Variants in SLC36A4 observed in about 807,000 individuals in gnomAD.
The protein encoded by SLC36A4 is solute carrier family 36 member 4, also known as neutral amino acid uniporter 4.
A neutral mutation model predicts 50.5 loss-of-function variants in SLC36A4; 49 were observed. That is an observed-to-expected ratio of 0.97 (90% CI 0.77 to 1.23). The LOEUF is 1.23. Among genes scored for constraint, SLC36A4 ranks in the 50% most tolerant of loss-of-function variants. The probability of loss-of-function intolerance (pLI) is 0.00; values close to 1 mark genes in which losing one functional copy is unlikely to be tolerated. For missense variants in SLC36A4, 611 were observed against 608.4 expected (o/e 1.00, Z -0.05); for synonymous variants, 207 against 206.5 (o/e 1.00, Z -0.02).
At chr11:93,185,842 A>G (rs963894752) in intron 1 of SLC36A4, 28 bp from the exon 2 acceptor site, 1 of 1,542,068 alleles carries the variant, frequency 6.5e-7, no homozygotes, top group Non-Finnish European at 8.7e-7. Flanking sequence ...AAAGTACTTC[A>G]CTATTGCTTA....
At position 93,172,508 on chromosome 11, in the gene SLC36A4, C is replaced by T. The variant is rs991294436; in HGVS notation, c.541-4337G>A. Among the ~76,000 whole-genome samples, 7 of 150,864 alleles carry T rather than the reference C, an allele frequency of 4.6e-5. No homozygotes were observed. The East Asian group carries it at 5.9e-4, about 13-fold the overall frequency. On this transcript the variant is annotated intron_variant, in intron 6 of 10. Coordinates refer to ENST00000326402, the MANE Select transcript of SLC36A4 (RefSeq NM_152313.4). ...ATGTGCACATTGTGCAGCTTAGTTA[C>T]ATATTTATACATGTGCCATGCTGGT...
chr11:93,196,527 C>T (rs1862434205), intron 1 of SLC36A4, among the ~76,000 whole-genome samples: 1 of 152,116 alleles, frequency 6.6e-6, no homozygotes, highest in Admixed American at 6.5e-5. Context: ...CCACCACGCC[C>T]GGCTAATTTT....
chr11:93,182,393 T>A, intron 4 of SLC36A4: 1 of 216,230 alleles, frequency 4.6e-6, no homozygotes, highest in Non-Finnish European at 7.9e-6. Flanking sequence ...TATTTCATGA[T>A]ACAAAAATAA....
chr11:93,162,902 T>C (rs763659764), intron 8 of SLC36A4, 27 bp from the exon 9 acceptor site: 4 of 1,597,920 alleles, frequency 2.5e-6, no homozygotes, highest in African/African-American at 1.3e-5. Context: ...ATACTTTTTT[T>C]TAAGGGAATA....
At chr11:93,190,830 A>G (rs1290985162) in intron 1 of SLC36A4, among the ~76,000 whole-genome samples, 2 of 152,074 alleles carry the variant, frequency 1.3e-5, no homozygotes, top group African/African-American at 4.8e-5. Flanking sequence ...CCTCCCAGTA[A>G]ATACATTTTT....
Position 93,165,962 on chromosome 11 carries a change from G to C in SLC36A4, c.823C>G (p.Leu275Val), listed in dbSNP as rs748908071. The change falls in exon 8 of 11, where the codon CTC becomes GTC. Residue 275 changes from leucine to valine, a missense_variant. Transcript: ENST00000326402. ...GCAAATACAGCAGTACCAAAAAAGAGTGGGTATTTCTTCCAACCAGCCACT... is the reference window on the plus strand; with the variant it reads ...GCAAATACAGCAGTACCAAAAAAGACTGGGTATTTCTTCCAACCAGCCACT... ...PIVAGWKKYP[L>V]FFGTAVFAFE... 16 of 1,611,134 alleles carry C rather than the reference G, an allele frequency of 9.9e-6. No homozygotes were observed. Among genetic ancestry groups the C allele is most frequent in the Non-Finnish European group, 1.4e-5 (16 of 1,178,498 alleles).
chr11:93,186,052 G>A (rs1417742865), intron 1 of SLC36A4, among the ~76,000 whole-genome samples: 1 of 152,136 alleles, frequency 6.6e-6, no homozygotes, highest in African/African-American at 2.4e-5. Flanking sequence ...AATATTAAAT[G>A]CAAAACTTTT....
intron 10 of SLC36A4, among the ~76,000 whole-genome samples, chr11:93,149,527 T>A (rs935398655): frequency 2.6e-5 from 4 of 152,104 alleles, no homozygotes; most frequent in African/African-American, 9.6e-5. Flanking sequence ...TATGATGTGA[T>A]ACACTGAGAA....
chr11:93,191,049 T>C (rs1862197863), intron 1 of SLC36A4, among the ~76,000 whole-genome samples: 2 of 152,166 alleles, frequency 1.3e-5, no homozygotes, highest in Non-Finnish European at 2.9e-5. Flanking sequence ...TAACTAGAAA[T>C]ATCTAGGAAA....
rs1859823025 is a variant in SLC36A4, at chr11:93,145,161, CAAGT to C, written c.*3372_*3375del. Reference sequence around the variant, plus strand: ...AAATGGCACTAATACTTTAATATTTCAAGTAATATTTTATAGTATTTTGCAGTTA... The same window carrying C: ...AAATGGCACTAATACTTTAATATTTCAATATTTTATAGTATTTTGCAGTTA... On this transcript the variant is annotated 3_prime_UTR_variant, in exon 11 of 11. Coordinates refer to ENST00000326402, the MANE Select transcript of SLC36A4 (RefSeq NM_152313.4). The C allele has an allele frequency of 6.6e-6, 1 of 151,944 alleles. No homozygotes were observed. 9.4% of individuals were successfully genotyped at this position (151,944 alleles called of 1,614,324 possible).
chr11:93,171,923 T>C (rs1310475500), intron 6 of SLC36A4: 4 of 152,126 alleles, frequency 2.6e-5, no homozygotes, highest in Non-Finnish European at 4.4e-5. Context: ...AGGACTCTAA[T>C]TAACTCTAAT....
chr11:93,148,688 GA>G lies in SLC36A4; in HGVS notation c.1363del (p.Ser455LeufsTer2). On this transcript the variant is annotated frameshift_variant, in exon 11 of 11. Coordinates refer to ENST00000326402, the MANE Select transcript of SLC36A4 (RefSeq NM_152313.4). LOFTEE classifies it high-confidence loss of function. The part of the protein sequence containing the change: ...YNIWMVLKNI[S>X]IAFTGVVGFL... ...GCCAACAACTCCAGTGAATGCTATA[GA>G]AATATTTTTCAGGACCATCCATATA... 1 of 1,612,790 alleles carries G rather than the reference GA, an allele frequency of 6.2e-7. No individual in the cohort carries two copies. Among genetic ancestry groups the G allele is most frequent in the Non-Finnish European group, 8.5e-7 (1 of 1,179,294 alleles).
At chr11:93,180,215 A>G in intron 6 of SLC36A4, 1 of 985,012 alleles carries the variant, frequency 1.0e-6, no homozygotes, top group South Asian at 4.7e-5. Flanking sequence ...GTTTTGATGG[A>G]GGGATTTTTT....
In SLC36A4 at chr11:93,180,884, G is replaced by GA; in HGVS notation, c.456-4dup. 1.2e-6 allele frequency: 2 copies of GA among 1,601,510 alleles called. No homozygotes were observed. Among genetic ancestry groups the GA allele is most frequent in the Non-Finnish European group, 1.7e-6 (2 of 1,169,320 alleles). The stretch of plus-strand genomic sequence containing the variant: ...CCAGAAAAAAGTCAACCACACTCCT[G>GA]AAAAAAGATATCCACAAATGAGTAT... On this transcript the variant is annotated splice_polypyrimidine_tract_variant and splice_region_variant and intron_variant, in intron 5 of 10. Coordinates refer to ENST00000326402, the MANE Select transcript of SLC36A4 (RefSeq NM_152313.4).
At position 93,185,735 on chromosome 11, in the gene SLC36A4, C is replaced by A. The variant is rs1416035201; in HGVS notation, c.135G>T (p.Leu45=). ...CAAGTTGGTAATGCTTCTGAACAGG[C>A]AGAAGCTCTTGCTCATGTTCTTCAT... The part of the protein sequence containing the change: ...TSDEEHEQEL[L]PVQKHYQLDD... The change falls in exon 2 of 11, where the codon CTG becomes CTT. Residue 45 remains leucine (L), a synonymous_variant. Transcript: ENST00000326402. The A allele has an allele frequency of 1.9e-6, 3 of 1,609,164 alleles. No individual in the cohort carries two copies. The highest frequency in any genetic ancestry group is 1.1e-5 in the South Asian group (1 of 90,142).
At chr11:93,156,565 G>T (rs1217514433) in intron 9 of SLC36A4, among the ~76,000 whole-genome samples, 1 of 151,692 alleles carries the variant, frequency 6.6e-6, no homozygotes, top group African/African-American at 2.4e-5. Flanking sequence ...GACTACAGGC[G>T]CCTGCCACCA....
At chr11:93,158,308 TATC>T (rs1860458122) in intron 9 of SLC36A4, among the ~76,000 whole-genome samples, 1 of 152,152 alleles carries the variant, frequency 6.6e-6, no homozygotes, top group Non-Finnish European at 1.5e-5. Flanking sequence ...TCTAATTAAT[TATC>T]TTTTCACTTA....
intron 6 of SLC36A4, among the ~76,000 whole-genome samples, chr11:93,175,644 T>G (rs1590964642): frequency 3.6e-5 from 3 of 83,728 alleles, no homozygotes; most frequent in African/African-American, 9.6e-5. Flanking sequence ...TCTGGTATGT[T>G]GTGTCTTTGT....
At chr11:93,183,149 G>C (rs1340953019) in intron 3 of SLC36A4, among the ~76,000 whole-genome samples, 1 of 152,076 alleles carries the variant, frequency 6.6e-6, no homozygotes, top group Non-Finnish European at 1.5e-5. Context: ...CAACAAAGTA[G>C]GATAGAACAC....
Sources: allele counts gnomAD v4.1 joint callset (sites outside exome capture counted in the v4.1 genomes callset), GRCh38; gene constraint gnomAD v4.1.1; transcripts MANE v1.5; gene names NCBI Gene and HGNC (gene_info 2026-07-23, HGNC 2026-07-21).